The following FOXP2 variants were observed in gnomAD, a reference collection of about 807,000 sequenced individuals.
FOXP2 encodes forkhead box P2, also known as forkhead box protein P2.
In FOXP2, 12 loss-of-function variants were observed where a neutral mutation model predicts 115.8. The ratio of observed to expected loss-of-function variants is 0.10; its 90% CI spans 0.07 to 0.17. FOXP2 has a LOEUF of 0.17. FOXP2 is among the 10% of genes least tolerant of loss of function. The probability of loss-of-function intolerance (pLI) is 1.00; values close to 1 mark genes in which losing one functional copy is unlikely to be tolerated. For missense variants in FOXP2, 629 were observed against 843.5 expected (o/e 0.75, Z 3.15); for synonymous variants, 328 against 297.7 (o/e 1.10, Z -1.05).
At chr7:114,424,518 C>A (rs1249544551) in intron 1 of FOXP2, among the ~76,000 whole-genome samples, 1 of 151,400 alleles carries the variant, frequency 6.6e-6, no homozygotes. Flanking sequence ...TTATAATTTT[C>A]ATATAACTAG....
chr7:114,171,694 A>G (rs1001663329), intron 1 of FOXP2, among the ~76,000 whole-genome samples: 14 of 152,212 alleles, frequency 9.2e-5, no homozygotes, highest in African/African-American at 3.1e-4. Flanking sequence ...ATCAAGGGGT[A>G]ATTTCCACTT....
Position 114,642,602 on chromosome 7 carries a change from T to C in FOXP2, c.968T>C (p.Val323Ala). 6.2e-7 allele frequency: 1 copy of C among 1,613,632 alleles called. No homozygotes were observed. Among genetic ancestry groups the C allele is most frequent in the South Asian group, 1.1e-5 (1 of 91,066 alleles). ...HHSIVNGQSS[V>A]LSARRDSSSH... Reference sequence around the variant, plus strand: ...TCCATAGTGAATGGACAGTCTTCAGTTCTAAGTGCAAGACGAGACAGGTAA... The same window carrying C: ...TCCATAGTGAATGGACAGTCTTCAGCTCTAAGTGCAAGACGAGACAGGTAA... Residue 323 changes from valine to alanine, a missense_variant, in exon 7 of 17, where the codon GTT (valine) becomes GCT (alanine). Physicochemically the swap from Val to Ala is moderately conservative, Grantham distance 64 (BLOSUM62 0). Transcript: ENST00000350908.
intron 1 of FOXP2, among the ~76,000 whole-genome samples, chr7:114,234,790 T>C (rs138336251): frequency 6.6e-6 from 1 of 152,194 alleles, no homozygotes; most frequent in African/African-American, 2.4e-5. Flanking sequence ...ATGGTCATAT[T>C]GATCTTTTTT....
In FOXP2 at chr7:114,659,578, A is replaced by G; in HGVS notation, c.1552A>G (p.Met518Val). Reference sequence around the variant, plus strand: ...GTATCTTGTCTCATTTCAGGCTATCATGGAGTCATCTGACAGGCAGTTAAC... The same window carrying G: ...GTATCTTGTCTCATTTCAGGCTATCGTGGAGTCATCTGACAGGCAGTTAAC... ...TYATLIRQAI[M>V]ESSDRQLTLN... is the part of the protein sequence containing the mutation. Residue 518 changes from methionine (M) to valine (V), a missense_variant, in exon 13 of 17, where the codon ATG (methionine) becomes GTG (valine). Physicochemically the swap from Met to Val is conservative, Grantham distance 21. Transcript: ENST00000350908. 6.2e-7 allele frequency: 1 copy of G among 1,613,486 alleles called. No homozygotes were observed. Among genetic ancestry groups the G allele is most frequent in the Non-Finnish European group, 8.5e-7 (1 of 1,179,506 alleles).
chr7:114,243,218 G>A (rs1174715948), intron 1 of FOXP2, among the ~76,000 whole-genome samples: 1 of 139,762 alleles, frequency 7.2e-6, no homozygotes, highest in East Asian at 2.1e-4. Context: ...ACTAGAGGGA[G>A]ATAGCACAAC....
rs149487008 is a variant in FOXP2, at chr7:114,643,481, A to G, written c.989+858A>G. On this transcript the variant is annotated intron_variant, in intron 7 of 16. Transcript: ENST00000350908. ...ATATATAAAGATAAATATGTTGGTA[A>G]TTTTATGATTAAATTCAACTAAACT... is the stretch of plus-strand genomic sequence containing the variant. Among the ~76,000 whole-genome samples the G allele has an allele frequency of 3.0e-4, 45 of 152,282 alleles. No homozygotes were observed. The Middle Eastern group carries it at 0.014, about 46-fold the overall frequency.
rs773714687 is a variant in FOXP2, at chr7:114,388,132, C to G, written c.-10-38370C>G. Reference sequence around the variant, plus strand: ...GGTTTGGCCAACTGGTTAGTAAAATCTCTTTAGTCATATTTATTTCACTTT... The same window carrying G: ...GGTTTGGCCAACTGGTTAGTAAAATGTCTTTAGTCATATTTATTTCACTTT... On this transcript the variant is annotated intron_variant, in intron 2 of 17. Transcript: ENST00000634411. 1.8e-4 allele frequency among the ~76,000 whole-genome samples: 27 copies of G among 152,228 alleles called. No homozygotes were observed. In the Middle Eastern group the frequency reaches 0.01, roughly 58 times the overall value.
At chr7:114,356,380 T>C (rs1254421073) in intron 2 of FOXP2, among the ~76,000 whole-genome samples, 2 of 152,178 alleles carry the variant, frequency 1.3e-5, no homozygotes, top group Non-Finnish European at 2.9e-5. Flanking sequence ...AAGACCATTC[T>C]GTTAATTCAG....
chr7:114,152,090 T>C (rs1792543366), intron 1 of FOXP2, among the ~76,000 whole-genome samples: 1 of 152,116 alleles, frequency 6.6e-6, no homozygotes, highest in Admixed American at 6.6e-5. Context: ...AAAGTAGTTA[T>C]TTTGGCCATT....
chr7:114,347,478 T>G (rs977204501), intron 2 of FOXP2, among the ~76,000 whole-genome samples: 1 of 151,942 alleles, frequency 6.6e-6, no homozygotes, highest in Non-Finnish European at 1.5e-5. Context: ...TAGTTAATGC[T>G]TTCACCCCAG....
intron 3 of FOXP2, among the ~76,000 whole-genome samples, chr7:114,624,498 C>T (rs1259651726): frequency 6.6e-6 from 1 of 151,844 alleles, no homozygotes; most frequent in Admixed American, 6.6e-5. Flanking sequence ...TACTAAGAAC[C>T]TTTCCAATCT....
intron 1 of FOXP2, among the ~76,000 whole-genome samples, chr7:114,252,468 G>A (rs1795476289): frequency 1.3e-5 from 2 of 152,236 alleles, no homozygotes; most frequent in South Asian, 4.1e-4. Context: ...CTCAATTTCA[G>A]TGCCTGTTAT....
Position 114,178,000 on chromosome 7 carries a change from T to A in FOXP2, c.-102+14912T>A, listed in dbSNP as rs1793362048. Among the ~76,000 whole-genome samples the A allele has an allele frequency of 2.6e-5, 4 of 151,952 alleles. No homozygotes were observed. In the South Asian group the frequency reaches 8.3e-4, roughly 31 times the overall value. On this transcript the variant is annotated intron_variant, in intron 1 of 17. Transcript: ENST00000634411. The stretch of plus-strand genomic sequence containing the variant: ...TTTATTTATATAATATATTGCTAAA[T>A]TTTTCTCTAGTGGGGCTATACCATT...
intron 16 of FOXP2, among the ~76,000 whole-genome samples, chr7:114,673,265 A>T (rs1214053194): frequency 6.6e-6 from 1 of 152,226 alleles, no homozygotes; most frequent in Non-Finnish European, 1.5e-5. Flanking sequence ...GTTTTCATTT[A>T]TGAGACACAA....
intron 1 of FOXP2, among the ~76,000 whole-genome samples, chr7:114,258,300 C>T (rs970321649): frequency 2.6e-5 from 4 of 151,960 alleles, no homozygotes; most frequent in Non-Finnish European, 4.4e-5. Context: ...TGTCTTAATC[C>T]CTACATTATA....
At chr7:114,541,531 C>A (rs528862116) in intron 3 of FOXP2, among the ~76,000 whole-genome samples, 2 of 152,034 alleles carry the variant, frequency 1.3e-5, no homozygotes, top group East Asian at 3.9e-4. Flanking sequence ...ACTTTTAAAT[C>A]CCCCTCATTC....
At chr7:114,421,521 A>G (rs934916693) in intron 1 of FOXP2, among the ~76,000 whole-genome samples, 21 of 151,076 alleles carry the variant, frequency 1.4e-4, no homozygotes, top group Non-Finnish European at 2.8e-4. Context: ...TTTTTTTTCT[A>G]ATTTGTGTAT....
At position 114,576,913 on chromosome 7, in the gene FOXP2, G is replaced by T. The variant is rs146417210; in HGVS notation, c.258+42207G>T. On this transcript the variant is annotated intron_variant, in intron 3 of 16. Transcript: ENST00000350908. ...TTGTAGAAAATGCTTTGTCATTTTA[G>T]TGTATAAATTTTCAGAATTGTGCTC... is the stretch of plus-strand genomic sequence containing the variant. 3.0e-3 allele frequency among the ~76,000 whole-genome samples: 454 copies of T among 151,980 alleles called. 3 individuals are homozygous for T. The highest frequency in any genetic ancestry group is 0.01 in the African/African-American group (430 of 41,510).
At chr7:114,662,256 G>T (rs1033006244) in intron 14 of FOXP2, 70 bp downstream of exon 14, 6 of 1,599,796 alleles carry the variant, frequency 3.8e-6, no homozygotes, top group African/African-American at 1.3e-5. Context: ...TTAAGTTGGG[G>T]CTGGGGTGGG....
Sources: gnomAD v4.1 joint callset for allele counts (sites outside exome capture counted in the v4.1 genomes callset) on GRCh38, gnomAD v4.1.1 for gene constraint, MANE v1.5 for transcripts, NCBI Gene and HGNC (gene_info 2026-07-23, HGNC 2026-07-21) for gene names.